Variants in POTEF observed in about 807,000 individuals in gnomAD.
POTEF encodes the protein ANKRD26-like family C member 1B.
POTEF carries 20 observed loss-of-function variants against 83.2 expected under a neutral mutation model. The observed-to-expected ratio is 0.24, with a 90% CI of 0.17 to 0.35. The LOEUF is 0.35. POTEF is among the 10% of genes least tolerant of loss of function. The pLI is 1.00. For synonymous variants in POTEF, 196 were observed against 446.4 expected, an observed-to-expected ratio of 0.44 and a Z score of 7.07; for missense variants, 550 against 1,203.2, an observed-to-expected ratio of 0.46 and a Z score of 8.03.
intron 5 of POTEF, among the ~76,000 whole-genome samples, chr2:130,113,628 C>T (rs1180093898): frequency 9.8e-6 from 1 of 102,076 alleles, no homozygotes; most frequent in African/African-American, 3.5e-5. Context: ...GCCTCCCTAG[C>T]AGCTGGGACT....
At chr2:130,109,946 T>A (rs898165109) in intron 7 of POTEF, among the ~76,000 whole-genome samples, 1 of 151,300 alleles carries the variant, frequency 6.6e-6, no homozygotes, top group African/African-American at 2.5e-5. Flanking sequence ...AGTCACTGTA[T>A]GAATCGCCAT....
chr2:130,107,331 A>G (rs940878377), intron 8 of POTEF, among the ~76,000 whole-genome samples: 17 of 150,988 alleles, frequency 1.1e-4, no homozygotes, highest in Non-Finnish European at 2.1e-4. Context: ...GGAGGAATGA[A>G]GTCAGTAATA....
chr2:130,113,207 A>T (rs1573612058), intron 5 of POTEF, among the ~76,000 whole-genome samples: 1 of 108,706 alleles, frequency 9.2e-6, no homozygotes, highest in Admixed American at 1.0e-4. Context: ...CATGGCAAAA[A>T]CCTCATCTCT....
rs573874406 is a variant in POTEF, at chr2:130,109,293, T to C, written c.1056-1214A>G. 225 of 143,718 alleles carry C rather than the reference T, an allele frequency of 1.6e-3. 10 individuals carry two copies. The highest frequency in any genetic ancestry group is 5.8e-3 in the African/African-American group (212 of 36,862). The allele number at this position is 143,718 out of a possible 1,614,324, so 8.9% of individuals were successfully genotyped here. ...CGTATTGTTCCAATTTTAGGATATG[T>C]GCCGCCGAAGCAAGCACAAAGCCCT... On this transcript the variant is annotated intron_variant, in intron 7 of 16. Transcript: ENST00000409914.
chr2:130,117,469 C>T (rs1451350285), intron 3 of POTEF, among the ~76,000 whole-genome samples: 3 of 151,952 alleles, frequency 2.0e-5, no homozygotes, highest in African/African-American at 7.3e-5. Flanking sequence ...AAGGGAAAAA[C>T]TTCACTTACA....
intron 7 of POTEF, among the ~76,000 whole-genome samples, chr2:130,109,048 T>C (rs1684630465): frequency 6.6e-6 from 1 of 151,386 alleles, no homozygotes; most frequent in African/African-American, 2.5e-5. Flanking sequence ...GAACATGTTA[T>C]TCAGCTCAAA....
chr2:130,107,741 G>A, intron 8 of POTEF: 1 of 417,792 alleles, frequency 2.4e-6, no homozygotes, highest in Non-Finnish European at 4.3e-6. Context: ...GTCTCACTTT[G>A]CCCCCAGATG....
intron 12 of POTEF, among the ~76,000 whole-genome samples, chr2:130,088,859 G>C (rs1390007270): frequency 2.0e-5 from 3 of 152,002 alleles, no homozygotes; most frequent in African/African-American, 7.3e-5. Context: ...ACAGGTGTGA[G>C]CCACCACACC....
chr2:130,104,994 C>CT (rs1321655650), intron 8 of POTEF, among the ~76,000 whole-genome samples: 1 of 150,778 alleles, frequency 6.6e-6, no homozygotes, highest in African/African-American at 2.5e-5. Context: ...ACCTGCTGCT[C>CT]TTTGCTCTTC....
intron 1 of POTEF, among the ~76,000 whole-genome samples, chr2:130,128,764 A>C (rs1326465053): frequency 1.4e-5 from 2 of 141,656 alleles, no homozygotes; most frequent in African/African-American, 2.8e-5. Context: ...TGTAGCTCCA[A>C]ATAACCACCA....
chr2:130,107,040 T>G (rs541868546), intron 8 of POTEF, among the ~76,000 whole-genome samples: 3 of 149,542 alleles, frequency 2.0e-5, no homozygotes, highest in African/African-American at 7.6e-5. Flanking sequence ...ATGACTAAAT[T>G]AAAGGTGTCC....
chr2:130,076,740 TAACATTTTTTA>T (rs1247733412), intron 16 of POTEF, among the ~76,000 whole-genome samples: 1 of 150,586 alleles, frequency 6.6e-6, no homozygotes, highest in Non-Finnish European at 1.5e-5. Flanking sequence ...ACTTCTCTAT[TAACATTTTTTA>T]AAAAACTAAT....
intron 8 of POTEF, among the ~76,000 whole-genome samples, chr2:130,107,396 T>C (rs1426643369): frequency 1.3e-5 from 2 of 151,000 alleles, no homozygotes. Flanking sequence ...CAGTGTTCTT[T>C]TGTGATCAAA....
chr2:130,076,703 TTTC>T lies in POTEF; in HGVS notation c.1899+375_1899+377del, dbSNP rs1573589982. Among the ~76,000 whole-genome samples the T allele has an allele frequency of 6.8e-5, 10 of 147,936 alleles. No homozygotes were observed. The South Asian group carries it at 2.1e-3, about 32-fold the overall frequency. ...TCTGACCCAGCTATACATTTCCTACTTTCTTATCAGTAAAAATAATCAATTGAC... is the reference window on the plus strand; with the variant it reads ...TCTGACCCAGCTATACATTTCCTACTTTATCAGTAAAAATAATCAATTGAC... On this transcript the variant is annotated intron_variant, in intron 16 of 16. Coordinates refer to ENST00000409914, the MANE Select transcript of POTEF (RefSeq NM_001099771.2).
At position 130,121,729 on chromosome 2, in the gene POTEF, C is replaced by A. The variant is rs1325981250; in HGVS notation, c.-93-1121G>T. The stretch of plus-strand genomic sequence containing the variant: ...ATCAAACACCACCTTTTCCCCAAAA[C>A]CCTAGGAAATAAAATGAAGAACTTT... On this transcript the variant is annotated intron_variant, in intron 2 of 16. Transcript: ENST00000409914. Among the ~76,000 whole-genome samples, 75 of 85,910 alleles carry A rather than the reference C, an allele frequency of 8.7e-4. 1 individual carries two copies. The highest frequency in any genetic ancestry group is 3.4e-3 in the African/African-American group (71 of 21,054). The allele number at this position is 85,910 out of a possible 152,430, so 56.4% of individuals were successfully genotyped here.
At position 130,115,252 on chromosome 2, in the gene POTEF, T is replaced by C. The variant is rs1387424688; in HGVS notation, c.598A>G (p.Asn200Asp). 1 of 1,612,834 alleles carries C rather than the reference T, an allele frequency of 6.2e-7. No homozygotes were observed. The highest frequency in any genetic ancestry group is 1.3e-5 in the African/African-American group (1 of 74,674). ...GTCCTCTTTTTGTTGTCAAGGACAT[T>C]AAGTTGACATCGTCTGTCCAGCAGG... ...KLLLDRRCQL[N>D]VLDNKKRTAL... The change falls in exon 4 of 17, where the codon AAT becomes GAT. Residue 200 changes from asparagine to aspartate, a missense_variant. Asn to Asp is a conservative substitution (Grantham distance 23). Coordinates refer to ENST00000409914, the MANE Select transcript of POTEF (RefSeq NM_001099771.2).
intron 3 of POTEF, 87 bp from the exon 4 acceptor site, chr2:130,115,415 G>T: frequency 5.4e-6 from 7 of 1,300,736 alleles, no homozygotes; most frequent in Non-Finnish European, 7.4e-6. Flanking sequence ...ACACTGAATA[G>T]CCTGCTATTA....
chr2:130,115,057 G>A lies in POTEF; in HGVS notation c.637-3C>T, dbSNP rs111984170. The A allele has an allele frequency of 7.1e-3, 10,757 of 1,514,060 alleles. 48 individuals carry two copies. The highest frequency in any genetic ancestry group is 8.5e-3 in the Non-Finnish European group (9,679 of 1,132,146). 93.8% of individuals were successfully genotyped at this position (1,514,060 alleles called of 1,614,324 possible). On this transcript the variant is annotated splice_region_variant and splice_polypyrimidine_tract_variant and intron_variant, in intron 4 of 16. Coordinates refer to ENST00000409914, the MANE Select transcript of POTEF (RefSeq NM_001099771.2). ...TCATCTTCCTGGCATTGTACGGCCT[G>A]TCAGTATTAGACCAAAAACAAATTA...
At chr2:130,126,841 A>C (rs1463298038) in intron 2 of POTEF, among the ~76,000 whole-genome samples, 3 of 152,038 alleles carry the variant, frequency 2.0e-5, no homozygotes, top group Non-Finnish European at 4.4e-5. Context: ...GAGGAGAAAC[A>C]AGAATAGAAA....
Sources: allele counts gnomAD v4.1 joint callset (sites outside exome capture counted in the v4.1 genomes callset), GRCh38; gene constraint gnomAD v4.1.1; transcripts MANE v1.5; gene names NCBI Gene and HGNC (gene_info 2026-07-23, HGNC 2026-07-21).